The following PTPRT variants were observed in gnomAD, a reference collection of about 807,000 sequenced individuals.
PTPRT encodes the protein receptor-type tyrosine-protein phosphatase T.
A neutral mutation model predicts 176.8 loss-of-function variants in PTPRT; 56 were observed. The observed-to-expected ratio is 0.32, with a 90% confidence interval of 0.26 to 0.40. The LOEUF is 0.40. Among genes scored for constraint, PTPRT ranks in the 10% least tolerant of loss-of-function variants. PTPRT has a pLI of 1.00. For synonymous variants in PTPRT, 783 were observed against 739.0 expected, an observed-to-expected ratio of 1.06 and a Z score of -0.96; for missense variants, 1,540 against 1,908.2, an observed-to-expected ratio of 0.81 and a Z score of 3.60.
intron 9 of PTPRT, among the ~76,000 whole-genome samples, chr20:42,384,452 A>C (rs1266408493): frequency 6.6e-6 from 1 of 152,138 alleles, no homozygotes; most frequent in African/African-American, 2.4e-5. Flanking sequence ...CATCTAAGGA[A>C]ACAACATCCA....
At chr20:42,590,760 A>C (rs554119042) in intron 7 of PTPRT, among the ~76,000 whole-genome samples, 38 of 152,338 alleles carry the variant, frequency 2.5e-4, no homozygotes, top group Admixed American at 8.5e-4. Context: ...AAAAATAGAT[A>C]GAAAAAACTA....
rs771585486 is a variant in PTPRT, at chr20:42,141,905, G to A, written c.2770+10C>T. The A allele has an allele frequency of 1.2e-6, 2 of 1,611,786 alleles. No individual in the cohort carries two copies. The highest frequency in any genetic ancestry group is 1.7e-6 in the Non-Finnish European group (2 of 1,177,902). On this transcript the variant is annotated intron_variant, in intron 18 of 30. Coordinates refer to ENST00000373187, the MANE Select transcript of PTPRT (RefSeq NM_007050.6). ...ACCTGAAGCTTAGGAGCTCCCAGAA[G>A]GGCACCTACAGGATATGATGTTCCC...
chr20:42,216,336 T>C (rs991275846), intron 15 of PTPRT, among the ~76,000 whole-genome samples: 2 of 152,194 alleles, frequency 1.3e-5, no homozygotes, highest in Non-Finnish European at 2.9e-5. Context: ...CCTTGTTCAC[T>C]ACCAATTCCC....
rs780892091 is a variant in PTPRT at position 42,098,459 on chromosome 20, A to T, written c.3808T>A (p.Ser1270Thr). The T allele has an allele frequency of 2.5e-5, 40 of 1,614,004 alleles. No individual in the cohort carries two copies. The change falls in exon 27 of 31, where the codon TCC (serine) becomes ACC (threonine). Residue 1270 changes from serine (S) to threonine (T), a missense_variant. Around this residue, in one of 11 missense-constraint regions of PTPRT, gnomAD observed 342 missense variants for 394.0 expected, o/e 0.87. Coordinates refer to ENST00000373187, the MANE Select transcript of PTPRT (RefSeq NM_007050.6). ...FWRLVFDYNC[S>T]SVVMLNEMDT... ...ATCTCATTCAGCATCACCACAGAGG[A>T]GCAGTTGTAATCGAACACCAGCCTC...
At chr20:42,267,446 C>T (rs1304659855) in intron 13 of PTPRT, among the ~76,000 whole-genome samples, 1 of 152,198 alleles carries the variant, frequency 6.6e-6, no homozygotes, top group Non-Finnish European at 1.5e-5. Context: ...TTAAAATTAG[C>T]TTCACCTGTT....
At chr20:43,188,931 C>A (rs1047684415) in intron 1 of PTPRT, among the ~76,000 whole-genome samples, 3 of 152,184 alleles carry the variant, frequency 2.0e-5, no homozygotes, top group Non-Finnish European at 4.4e-5. Flanking sequence ...TTCCCGTGGC[C>A]AAACCCAAAT....
intron 7 of PTPRT, among the ~76,000 whole-genome samples, chr20:42,618,874 TG>T (rs1290146358): frequency 6.8e-6 from 1 of 147,286 alleles, no homozygotes; most frequent in African/African-American, 2.6e-5. Context: ...AGCACACTGA[TG>T]GGTCTTGACT....
intron 9 of PTPRT, among the ~76,000 whole-genome samples, chr20:42,435,736 T>G (rs921680283): frequency 1.3e-5 from 2 of 152,192 alleles, no homozygotes; most frequent in South Asian, 2.1e-4. Flanking sequence ...TTCAAGGCAA[T>G]TCTAATAAAA....
chr20:42,518,556 G>A (rs553924291), intron 7 of PTPRT, among the ~76,000 whole-genome samples: 1 of 152,058 alleles, frequency 6.6e-6, no homozygotes, highest in Admixed American at 6.6e-5. Context: ...ATTAGAATAT[G>A]GTAATCAATA....
At chr20:42,434,684 A>G (rs2145812781) in intron 9 of PTPRT, among the ~76,000 whole-genome samples, 1 of 145,218 alleles carries the variant, frequency 6.9e-6, no homozygotes, top group East Asian at 2.0e-4. Context: ...AAAAGAGGCC[A>G]GGCACCGCGG....
At chr20:42,032,453 T>C in the PTPRT span, among the ~76,000 whole-genome samples, 1 of 152,276 alleles carries the variant, frequency 6.6e-6, no homozygotes, top group Non-Finnish European at 1.5e-5. Flanking sequence ...CAGATCCCCA[T>C]GTTGATCCAG....
chr20:42,890,716 C>A (rs1386452868), intron 1 of PTPRT, among the ~76,000 whole-genome samples: 1 of 152,052 alleles, frequency 6.6e-6, no homozygotes, highest in Non-Finnish European at 1.5e-5. Context: ...CCAAAACAGG[C>A]CCCAGACGTT....
At chr20:42,713,602 A>T (rs2076178825) in intron 6 of PTPRT, among the ~76,000 whole-genome samples, 1 of 152,216 alleles carries the variant, frequency 6.6e-6, no homozygotes, top group African/African-American at 2.4e-5. Flanking sequence ...AAATGAACTT[A>T]GGGATAAGTG....
chr20:42,652,524 G>A (rs1471321296), intron 7 of PTPRT, among the ~76,000 whole-genome samples: 2 of 152,120 alleles, frequency 1.3e-5, no homozygotes, highest in African/African-American at 2.4e-5. Flanking sequence ...CTGATTTCCT[G>A]TTTCCCTCTC....
chr20:42,469,582 G>A (rs893927581), intron 8 of PTPRT, among the ~76,000 whole-genome samples: 5 of 152,186 alleles, frequency 3.3e-5, no homozygotes, highest in Admixed American at 3.3e-4. Context: ...GCTCCAGAGT[G>A]TACATTGTCT....
At chr20:42,653,236 T>C (rs1600553644) in intron 7 of PTPRT, among the ~76,000 whole-genome samples, 3 of 152,166 alleles carry the variant, frequency 2.0e-5, no homozygotes. Flanking sequence ...GCTGCCACCA[T>C]GTGAAGAAGG....
intron 13 of PTPRT, among the ~76,000 whole-genome samples, chr20:42,257,399 GT>G (rs977120368): frequency 3.3e-5 from 5 of 152,144 alleles, no homozygotes; most frequent in African/African-American, 1.2e-4. Context: ...CCAGGCTGCC[GT>G]TTTAAACCCT....
At chr20:42,911,337 C>A (rs899397073) in intron 1 of PTPRT, among the ~76,000 whole-genome samples, 9 of 151,952 alleles carry the variant, frequency 5.9e-5, no homozygotes, top group African/African-American at 1.9e-4. Context: ...ATTTTAAGAG[C>A]TAAATATATA....
At chr20:42,201,216 TGA>T (rs1387774708) in intron 15 of PTPRT, among the ~76,000 whole-genome samples, 2 of 152,024 alleles carry the variant, frequency 1.3e-5, no homozygotes, top group African/African-American at 4.8e-5. Flanking sequence ...GAAGATCACT[TGA>T]GAGCCCAAGA....
Sources: gnomAD v4.1 joint callset for allele counts (sites outside exome capture counted in the v4.1 genomes callset) on GRCh38, gnomAD v4.1.1 for gene constraint, gnomAD v4.1.1 regional missense constraint, MANE v1.5 for transcripts, NCBI Gene and HGNC (gene_info 2026-07-23, HGNC 2026-07-21) for gene names.